RALGPS2: variants seen among roughly 807,000 people sequenced by gnomAD.
RALGPS2 encodes Ral GEF with PH domain and SH3 binding motif 2.
In RALGPS2, 43 loss-of-function variants were observed where a neutral mutation model predicts 86.8. The observed-to-expected ratio is 0.50, with a 90% confidence interval of 0.39 to 0.64. RALGPS2 has a LOEUF of 0.64. RALGPS2 is among the 30% of genes least tolerant of loss of function. The probability of loss-of-function intolerance (pLI) is 0.00; values close to 1 mark genes in which losing one functional copy is unlikely to be tolerated. For synonymous variants in RALGPS2, 243 were observed against 231.3 expected (o/e 1.05, Z -0.46); for missense variants, 536 against 694.6 (o/e 0.77, Z 2.57).
At chr1:178,840,876 C>G (rs977916547) in intron 8 of RALGPS2, among the ~76,000 whole-genome samples, 4 of 151,844 alleles carry the variant, frequency 2.6e-5, no homozygotes, top group African/African-American at 9.7e-5. Flanking sequence ...AAACACCTCT[C>G]TGCACATAAA....
rs1297498423 is a variant in RALGPS2, at chr1:178,919,358, C to T, written c.*2999C>T. On this transcript the variant is annotated 3_prime_UTR_variant, in exon 20 of 20. Coordinates refer to ENST00000367635, the MANE Select transcript of RALGPS2 (RefSeq NM_152663.5). ...AAAATGCCATGTAACTATTGCACTACCTTCTGTGTGGACTGTGTTGGTATT... is the reference window on the plus strand; with the variant it reads ...AAAATGCCATGTAACTATTGCACTATCTTCTGTGTGGACTGTGTTGGTATT... The T allele has an allele frequency of 6.6e-6, 1 of 151,894 alleles. No individual in the cohort carries two copies. Among genetic ancestry groups the T allele is most frequent in the Non-Finnish European group, 1.5e-5 (1 of 67,872 alleles). 9.4% of individuals were successfully genotyped at this position (151,894 alleles called of 1,614,324 possible). A position where few individuals can be genotyped will look rare whatever the true frequency, so the allele number is the denominator to read the frequency against.
chr1:178,817,544 G>A (rs952834366), intron 6 of RALGPS2, among the ~76,000 whole-genome samples: 2 of 151,976 alleles, frequency 1.3e-5, no homozygotes, highest in Admixed American at 6.6e-5. Flanking sequence ...AGTAAGCCTT[G>A]CAATCTGATA....
At chr1:178,788,823 CTTTT>C (rs1335416756) in intron 4 of RALGPS2, among the ~76,000 whole-genome samples, 12 of 128,468 alleles carry the variant, frequency 9.3e-5, no homozygotes, top group Middle Eastern at 7.9e-3. Context: ...CTTTTCTTTT[CTTTT>C]GTTTTCTTTC....
intron 8 of RALGPS2, chr1:178,853,806 T>G (rs1283069868): frequency 6.6e-7 from 1 of 1,524,810 alleles, no homozygotes. Context: ...TAAATATCAT[T>G]TATTATCAGC....
At chr1:178,865,977 C>T (rs1658378901) in intron 8 of RALGPS2, among the ~76,000 whole-genome samples, 1 of 152,060 alleles carries the variant, frequency 6.6e-6, no homozygotes, top group Admixed American at 6.6e-5. Flanking sequence ...AGTTGTAATA[C>T]TTTGGCATTT....
chr1:178,775,041 A>G (rs1653008280), intron 1 of RALGPS2, among the ~76,000 whole-genome samples: 1 of 152,166 alleles, frequency 6.6e-6, no homozygotes, highest in Non-Finnish European at 1.5e-5. Flanking sequence ...TTTTTTATTT[A>G]AGAGACTCTG....
chr1:178,875,772 T>C (rs1208899735), intron 8 of RALGPS2, among the ~76,000 whole-genome samples: 1 of 151,226 alleles, frequency 6.6e-6, no homozygotes, highest in African/African-American at 2.4e-5. Context: ...TAAAAAAAAA[T>C]ATGTATACTG....
At chr1:178,892,137 C>T in intron 14 of RALGPS2, 93 bp from the exon 15 acceptor site, 1 of 1,102,316 alleles carries the variant, frequency 9.1e-7, no homozygotes, top group Non-Finnish European at 1.3e-6. Context: ...AGCTATATTA[C>T]AAGAAGAAAC....
At chr1:178,784,687 G>A (rs1451677802) in intron 3 of RALGPS2, among the ~76,000 whole-genome samples, 165 bp downstream of exon 3, 1 of 151,994 alleles carries the variant, frequency 6.6e-6, no homozygotes, top group Middle Eastern at 3.2e-3. Context: ...GGGATGAAGT[G>A]GGAAAAGTAA....
At position 178,725,349 on chromosome 1, in the gene RALGPS2, C is replaced by T; in HGVS notation, c.-154C>T. ...CGACGAGTGCTACTCTAGGCGGCGG[C>T]GGCCGTGGCGGTGAAGCGTGAGGCC... On this transcript the variant is annotated 5_prime_UTR_variant, in exon 1 of 20. Coordinates refer to ENST00000367635, the MANE Select transcript of RALGPS2 (RefSeq NM_152663.5). 1 of 155,150 alleles carries T rather than the reference C, an allele frequency of 6.4e-6. No homozygotes were observed. The highest frequency in any genetic ancestry group is 1.7e-4 in the South Asian group (1 of 6,036). The allele number at this position is 155,150 out of a possible 1,614,324, so 9.6% of individuals were successfully genotyped here. A position where few individuals can be genotyped will look rare whatever the true frequency, so the allele number is the denominator to read the frequency against.
chr1:178,742,159 A>C (rs113208048), intron 1 of RALGPS2, among the ~76,000 whole-genome samples: 2,313 of 151,462 alleles, frequency 0.015, 49 homozygotes, highest in African/African-American at 0.048. Context: ...AAAGAAGAAG[A>C]AGCAGAAATG....
At chr1:178,764,295 T>C (rs148281045) in intron 1 of RALGPS2, among the ~76,000 whole-genome samples, 1 of 152,352 alleles carries the variant, frequency 6.6e-6, no homozygotes, top group Non-Finnish European at 1.5e-5. Context: ...CCTCTGCTTT[T>C]TTCTATTTTC....
At chr1:178,844,689 C>G (rs947327327) in intron 8 of RALGPS2, among the ~76,000 whole-genome samples, 4 of 152,088 alleles carry the variant, frequency 2.6e-5, no homozygotes, top group African/African-American at 9.7e-5. Flanking sequence ...CTTATTTGTT[C>G]TTGTCATTGG....
intron 18 of RALGPS2, among the ~76,000 whole-genome samples, chr1:178,905,845 G>A (rs1660365995): frequency 6.6e-6 from 1 of 152,078 alleles, no homozygotes; most frequent in Non-Finnish European, 1.5e-5. Flanking sequence ...AATACACACA[G>A]CACAAATGAA....
At chr1:178,781,798 T>C (rs1266118287) in intron 2 of RALGPS2, among the ~76,000 whole-genome samples, 1 of 152,216 alleles carries the variant, frequency 6.6e-6, no homozygotes, top group Non-Finnish European at 1.5e-5. Flanking sequence ...CTGATGTCTA[T>C]TTGAATACTT....
chr1:178,788,818 CTTTTCTTTTGT>C (rs1558120169), intron 4 of RALGPS2, among the ~76,000 whole-genome samples: 1 of 141,934 alleles, frequency 7.0e-6, no homozygotes, highest in African/African-American at 2.6e-5. Flanking sequence ...CTTTTCTTTT[CTTTTCTTTTGT>C]TTTCTTTCTT....
At chr1:178,776,628 T>G in intron 1 of RALGPS2, 54 bp from the exon 2 acceptor site, 1 of 559,724 alleles carries the variant, frequency 1.8e-6, no homozygotes. Flanking sequence ...GGCATAGAGT[T>G]GTTTTCTTGA....
At chr1:178,784,731 A>G (rs573557130) in intron 3 of RALGPS2, among the ~76,000 whole-genome samples, 10 of 152,182 alleles carry the variant, frequency 6.6e-5, no homozygotes, top group African/African-American at 1.7e-4. Context: ...GGGCAACTTT[A>G]TAAGTTACAC....
At chr1:178,810,457 A>G (rs779646318) in intron 5 of RALGPS2, among the ~76,000 whole-genome samples, 1 of 152,146 alleles carries the variant, frequency 6.6e-6, no homozygotes, top group Non-Finnish European at 1.5e-5. Flanking sequence ...AAGTTGGTGA[A>G]CATGCACTTT....
Sources: gnomAD v4.1 joint callset for allele counts (sites outside exome capture counted in the v4.1 genomes callset) on GRCh38, gnomAD v4.1.1 for gene constraint, MANE v1.5 for transcripts, NCBI Gene and HGNC (gene_info 2026-07-23, HGNC 2026-07-21) for gene names.